Variants in TPH2 observed in about 807,000 individuals in gnomAD.
TPH2 encodes the protein tryptophan 5-hydroxylase 2.
TPH2 carries 27 observed loss-of-function variants against 59.1 expected under a neutral mutation model. That is an observed-to-expected ratio of 0.46 (90% CI 0.34 to 0.63). The LOEUF is 0.63. Ranked by LOEUF, TPH2 falls within the 30% of genes least tolerant of loss-of-function variation. The pLI is 0.01. For synonymous variants in TPH2, 220 were observed against 210.5 expected, an observed-to-expected ratio of 1.05 and a Z score of -0.39; for missense variants, 523 against 588.3, an observed-to-expected ratio of 0.89 and a Z score of 1.15.
At chr12:71,961,969 G>A in intron 5 of TPH2, 1 of 1,040,922 alleles carries the variant, frequency 9.6e-7, no homozygotes, top group Non-Finnish European at 1.2e-6. Flanking sequence ...GTTCCTTAAG[G>A]CCCGTAGACT....
At chr12:71,944,719 C>T (rs1592858848) in intron 4 of TPH2, 33 bp downstream of exon 4, 3 of 1,576,420 alleles carry the variant, frequency 1.9e-6, no homozygotes, top group Non-Finnish European at 2.6e-6. Context: ...TTCTCACATG[C>T]TCTTTCAGCT....
intron 5 of TPH2, among the ~76,000 whole-genome samples, chr12:71,954,058 G>A (rs1390075567): frequency 6.6e-6 from 1 of 152,098 alleles, no homozygotes; most frequent in Non-Finnish European, 1.5e-5. Flanking sequence ...TTCTTGAAAG[G>A]ATAAATCAGG....
intron 5 of TPH2, among the ~76,000 whole-genome samples, chr12:71,968,268 C>A (rs1330059559): frequency 6.6e-6 from 1 of 152,218 alleles, no homozygotes; most frequent in African/African-American, 2.4e-5. Context: ...CATACCATAG[C>A]TGGGGCAGCC....
intron 7 of TPH2, among the ~76,000 whole-genome samples, chr12:71,983,432 C>A (rs552733090): frequency 6.6e-6 from 1 of 152,260 alleles, no homozygotes; most frequent in East Asian, 1.9e-4. Flanking sequence ...AATAAACCTT[C>A]CCTCTCACTC....
At chr12:71,952,157 A>G (rs540723742) in intron 5 of TPH2, among the ~76,000 whole-genome samples, 9 of 152,184 alleles carry the variant, frequency 5.9e-5, no homozygotes, top group Non-Finnish European at 8.8e-5. Flanking sequence ...AGGACAGAAA[A>G]TGAGCATATA....
In TPH2 at chr12:71,964,433, C is replaced by G. The variant is rs563943180; in HGVS notation, c.609-8086C>G. The G allele has an allele frequency of 3.0e-4, 274 of 914,676 alleles. 1 individual carries two copies. Among genetic ancestry groups the G allele is most frequent in the Non-Finnish European group, 3.5e-4 (266 of 766,742 alleles). The allele number at this position is 914,676 out of a possible 1,614,324, so 56.7% of individuals were successfully genotyped here. On this transcript the variant is annotated intron_variant, in intron 5 of 10. Transcript: ENST00000333850. ...TAGTAGCTGGAATTATAGGCACACG[C>G]CACCATGCCCGGTTAATTTTAGTAT...
intron 7 of TPH2, among the ~76,000 whole-genome samples, chr12:71,981,501 G>A (rs531173793): frequency 6.6e-6 from 1 of 152,282 alleles, no homozygotes; most frequent in South Asian, 2.1e-4. Context: ...TTCAAAAGGT[G>A]TGGAGCTAGA....
At chr12:71,988,484 G>A (rs1016513470) in intron 7 of TPH2, among the ~76,000 whole-genome samples, 6 of 152,184 alleles carry the variant, frequency 3.9e-5, no homozygotes, top group African/African-American at 1.2e-4. Context: ...TTCACATGGC[G>A]AAGGGAGGAA....
rs1261889105 is a variant in TPH2 at position 71,987,500 on chromosome 12, A to G, written c.942-6939A>G. Among the ~76,000 whole-genome samples the G allele has an allele frequency of 2.6e-5, 4 of 152,160 alleles. No individual in the cohort carries two copies. In the East Asian group the frequency reaches 5.8e-4, roughly 22 times the overall value. Reference sequence around the variant, plus strand: ...ACAATTTAATATAATAAGTAATAATACCTAACTTACGGGAACTAAGATTTT... The same window carrying G: ...ACAATTTAATATAATAAGTAATAATGCCTAACTTACGGGAACTAAGATTTT... On this transcript the variant is annotated intron_variant, in intron 7 of 10. Transcript: ENST00000333850.
At chr12:72,015,259 C>G (rs1873210194) in intron 8 of TPH2, among the ~76,000 whole-genome samples, 1 of 148,510 alleles carries the variant, frequency 6.7e-6, no homozygotes, top group South Asian at 2.1e-4. Context: ...AGTAAAAACA[C>G]TGTGAAAGGA....
At chr12:71,985,548 G>A (rs1431596378) in intron 7 of TPH2, among the ~76,000 whole-genome samples, 5 of 152,002 alleles carry the variant, frequency 3.3e-5, no homozygotes, top group African/African-American at 4.8e-5. Context: ...ACAGGGGCCC[G>A]CCACTATGTC....
chr12:71,985,828 A>G (rs1022094064), intron 7 of TPH2, among the ~76,000 whole-genome samples: 1 of 152,158 alleles, frequency 6.6e-6, no homozygotes, highest in African/African-American at 2.4e-5. Flanking sequence ...CAGGCTCCTT[A>G]GAGGCCTGCC....
chr12:72,009,388 T>G (rs1873041802), intron 8 of TPH2, among the ~76,000 whole-genome samples: 1 of 152,236 alleles, frequency 6.6e-6, no homozygotes, highest in Non-Finnish European at 1.5e-5. Flanking sequence ...CTTTATTGTC[T>G]CATGAATTTT....
chr12:71,975,786 C>A (rs1017184984), intron 6 of TPH2, among the ~76,000 whole-genome samples: 27 of 152,322 alleles, frequency 1.8e-4, no homozygotes, highest in Middle Eastern at 3.4e-3. Flanking sequence ...TTGAGAACTA[C>A]CGATCAGTAT....
intron 7 of TPH2, among the ~76,000 whole-genome samples, chr12:71,979,513 C>T (rs957034073): frequency 1.3e-5 from 2 of 152,202 alleles, no homozygotes; most frequent in Admixed American, 6.5e-5. Flanking sequence ...TCGTCACCTC[C>T]AAACTCAGAA....
intron 5 of TPH2, among the ~76,000 whole-genome samples, chr12:71,958,372 G>C (rs1260997128): frequency 6.6e-6 from 1 of 152,152 alleles, no homozygotes; most frequent in Non-Finnish European, 1.5e-5. Context: ...ACTTCCACTT[G>C]ACATAGGTGG....
intron 8 of TPH2, among the ~76,000 whole-genome samples, chr12:72,002,671 CA>C (rs774680026): frequency 2.6e-5 from 4 of 151,738 alleles, no homozygotes; most frequent in Non-Finnish European, 4.4e-5. Context: ...CCAAGAAACA[CA>C]TTTTAGGAGA....
In TPH2 at chr12:72,019,583, C is replaced by T. The variant is rs143693074; in HGVS notation, c.1069-2816C>T. Reference sequence around the variant, plus strand: ...CCCTTTTTCTAAAATAGTCACATTCCCTGCTTAATATTTGACATATTATAT... The same window carrying T: ...CCCTTTTTCTAAAATAGTCACATTCTCTGCTTAATATTTGACATATTATAT... On this transcript the variant is annotated intron_variant, in intron 8 of 10. Coordinates refer to ENST00000333850, the MANE Select transcript of TPH2 (RefSeq NM_173353.4). Among the ~76,000 whole-genome samples, 1,275 of 152,254 alleles carry T rather than the reference C, an allele frequency of 8.4e-3. 10 individuals carry two copies. Among genetic ancestry groups the T allele is most frequent in the Non-Finnish European group, 0.014 (931 of 68,020 alleles).
At chr12:72,008,484 A>G (rs568305135) in intron 8 of TPH2, among the ~76,000 whole-genome samples, 66 of 152,292 alleles carry the variant, frequency 4.3e-4, no homozygotes, top group Non-Finnish European at 6.8e-4. Context: ...ACGTTTATTT[A>G]GCATCTGACA....
Sources: gnomAD v4.1 joint callset for allele counts (sites outside exome capture counted in the v4.1 genomes callset) on GRCh38, gnomAD v4.1.1 for gene constraint, MANE v1.5 for transcripts, NCBI Gene and HGNC (gene_info 2026-07-23, HGNC 2026-07-21) for gene names.